FMN2: variants seen among roughly 807,000 people sequenced by gnomAD.
FMN2 encodes formin 2.
Under a neutral mutation model 142.3 loss-of-function variants are expected in FMN2, and 51 were observed. The observed-to-expected ratio is 0.36, with a 90% CI of 0.29 to 0.45. The LOEUF is 0.45. Among genes scored for constraint, FMN2 ranks in the 20% least tolerant of loss-of-function variants. FMN2 has a pLI of 1.00. For missense variants in FMN2, 1,936 were observed against 2,122.8 expected (o/e 0.91, Z 1.73); for synonymous variants, 882 against 869.8 (o/e 1.01, Z -0.25).
intron 6 of FMN2, among the ~76,000 whole-genome samples, chr1:240,234,752 G>A (rs1210786326): frequency 6.6e-6 from 1 of 152,146 alleles, no homozygotes; most frequent in Non-Finnish European, 1.5e-5. Context: ...TGTATTCCCT[G>A]TATCCCTGAG....
At chr1:240,415,317 T>A (rs957116465) in intron 15 of FMN2, among the ~76,000 whole-genome samples, 5 of 151,982 alleles carry the variant, frequency 3.3e-5, no homozygotes, top group Non-Finnish European at 7.4e-5. Flanking sequence ...TCCTCACTCA[T>A]AAGTGGGAGT....
rs1297923754 is a variant in FMN2 at position 240,092,015 on chromosome 1, C to A, written c.-95C>A. The stretch of plus-strand genomic sequence containing the variant: ...CGGCTCCCCCCGCCGCCGCCTGACT[C>A]TCCCGGGAGACTCCCTAGGCCCGGA... On this transcript the variant is annotated 5_prime_UTR_variant, in exon 1 of 18. Coordinates refer to ENST00000319653, the MANE Select transcript of FMN2 (RefSeq NM_020066.5). 3.5e-6 allele frequency: 5 copies of A among 1,432,808 alleles called. No homozygotes were observed. The highest frequency in any genetic ancestry group is 3.6e-6 in the Non-Finnish European group (4 of 1,103,954). 88.8% of individuals were successfully genotyped at this position (1,432,808 alleles called of 1,614,324 possible).
chr1:240,306,988 C>T (rs906244402), intron 8 of FMN2, among the ~76,000 whole-genome samples: 38 of 152,166 alleles, frequency 2.5e-4, no homozygotes, highest in African/African-American at 8.4e-4. Flanking sequence ...ATTTGTATCT[C>T]TCTGGTGTTT....
At chr1:240,459,165 C>A (rs1676353982) in intron 16 of FMN2, 1 of 152,046 alleles carries the variant, frequency 6.6e-6, no homozygotes, top group Non-Finnish European at 1.5e-5. Flanking sequence ...TTAATAGTAC[C>A]TTTCAGATTT....
chr1:240,370,865 C>A (rs115885954), intron 14 of FMN2, among the ~76,000 whole-genome samples: 2,410 of 152,130 alleles, frequency 0.016, 56 homozygotes, highest in African/African-American at 0.055. Context: ...TTAAAGTGTG[C>A]GACTACTCAT....
chr1:240,427,239 C>CT (rs1674981078), intron 15 of FMN2, among the ~76,000 whole-genome samples: 1 of 149,498 alleles, frequency 6.7e-6, no homozygotes, highest in South Asian at 2.1e-4. Context: ...CAGAGTCTCG[C>CT]CTGTCTCCCA....
At chr1:240,284,557 A>G (rs558824532) in intron 7 of FMN2, among the ~76,000 whole-genome samples, 16 of 152,280 alleles carry the variant, frequency 1.1e-4, no homozygotes, top group African/African-American at 2.9e-4. Flanking sequence ...GTCCATCTAC[A>G]CAACTTTTCC....
At chr1:240,413,864 C>T (rs1236318921) in intron 15 of FMN2, among the ~76,000 whole-genome samples, 1 of 152,194 alleles carries the variant, frequency 6.6e-6, no homozygotes, top group Non-Finnish European at 1.5e-5. Flanking sequence ...AGTGCTTGTT[C>T]TCTGCCTTAA....
chr1:240,121,735 T>TAAAAAAAAAAAAAAA lies in FMN2; in HGVS notation c.1616-1427_1616-1413dup, dbSNP rs71168898. On this transcript the variant is annotated intron_variant, in intron 1 of 17. Transcript: ENST00000319653. The stretch of plus-strand genomic sequence containing the variant: ...CTCTTGCCTTTTTTTAGGGAAATAG[T>TAAAAAAAAAAAAAAA]AAAAAAAAAAAAAAAAAAAAAAAAA... 3.5e-4 allele frequency among the ~76,000 whole-genome samples: 9 copies of TAAAAAAAAAAAAAAA among 25,678 alleles called. 1 individual carries two copies. Among genetic ancestry groups the TAAAAAAAAAAAAAAA allele is most frequent in the African/African-American group, 7.6e-4 (5 of 6,614 alleles). 16.8% of individuals were successfully genotyped at this position (25,678 alleles called of 152,430 possible).
rs1471697427 is a variant in FMN2, at chr1:240,459,717, T to TTAAAAAAAAAAA, written c.5061-12655_5061-12654insTAAAAAAAAAAA. Among the ~76,000 whole-genome samples, 44 of 67,128 alleles carry TTAAAAAAAAAAA rather than the reference T, an allele frequency of 6.6e-4. 4 individuals carry two copies. The highest frequency in any genetic ancestry group is 2.3e-3 in the African/African-American group (44 of 19,484). 44.0% of individuals were successfully genotyped at this position (67,128 alleles called of 152,430 possible). Reference sequence around the variant, plus strand: ...GGGTGACAGAACAAGACTCTGTCTCTAAAAAAAAAAAAAAAAAAAAAAAAA... The same window carrying TTAAAAAAAAAAA: ...GGGTGACAGAACAAGACTCTGTCTCTTAAAAAAAAAAAAAAAAAAAAAAAAAAAAAAAAAAAA... On this transcript the variant is annotated intron_variant, in intron 16 of 17. Coordinates refer to ENST00000319653, the MANE Select transcript of FMN2 (RefSeq NM_020066.5).
chr1:240,200,868 C>T (rs73112885), intron 4 of FMN2, among the ~76,000 whole-genome samples: 3,233 of 152,210 alleles, frequency 0.021, 126 homozygotes, highest in African/African-American at 0.073. Context: ...TTTAGTCTTT[C>T]ATCTTTGCAG....
At chr1:240,127,781 C>T (rs908204943) in intron 2 of FMN2, among the ~76,000 whole-genome samples, 2 of 152,162 alleles carry the variant, frequency 1.3e-5, no homozygotes, top group African/African-American at 4.8e-5. Flanking sequence ...TGCCCGGCCC[C>T]CAGCCTGCTC....
In FMN2 at chr1:240,092,723, T is replaced by TGCAGCAGCA. The variant is rs565189382; in HGVS notation, c.629_637dup (p.Gln210_Gln212dup). The TGCAGCAGCA allele has an allele frequency of 5.5e-5, 89 of 1,612,828 alleles. No homozygotes were observed. The highest frequency in any genetic ancestry group is 6.9e-5 in the Non-Finnish European group (81 of 1,179,676). On this transcript the variant is annotated inframe_insertion, in exon 1 of 18. Transcript: ENST00000319653. ...TCAGACATCCAGCAGGCGATCCGCCTGCAGCAGCAGCAGCAGCAGCAGCTC... is the reference window on the plus strand; with the variant it reads ...TCAGACATCCAGCAGGCGATCCGCCTGCAGCAGCAGCAGCAGCAGCAGCAGCAGCAGCTC...
At chr1:240,415,660 A>G (rs16832187) in intron 15 of FMN2, among the ~76,000 whole-genome samples, 4,322 of 152,246 alleles carry the variant, frequency 0.028, 198 homozygotes, top group African/African-American at 0.099. Context: ...CATCTTAGAG[A>G]CTCAGCTTCT....
intron 6 of FMN2, among the ~76,000 whole-genome samples, chr1:240,232,609 G>A (rs1667566338): frequency 6.6e-6 from 1 of 152,136 alleles, no homozygotes; most frequent in Non-Finnish European, 1.5e-5. Flanking sequence ...AGCATCTCAT[G>A]TATGGCAACC....
chr1:240,189,203 G>A lies in FMN2; in HGVS notation c.1986+941G>A, dbSNP rs559426472. ...AAAAAAAAACTGCAAGAAAGGAAACGTGTATGGAATAGTAATTGTGGATAG... is the reference window on the plus strand; with the variant it reads ...AAAAAAAAACTGCAAGAAAGGAAACATGTATGGAATAGTAATTGTGGATAG... On this transcript the variant is annotated intron_variant, in intron 4 of 17. Transcript: ENST00000319653. Among the ~76,000 whole-genome samples, 49 of 149,530 alleles carry A rather than the reference G, an allele frequency of 3.3e-4. No homozygotes were observed. The South Asian group carries it at 9.0e-3, about 28-fold the overall frequency.
intron 4 of FMN2, among the ~76,000 whole-genome samples, chr1:240,192,934 C>A (rs1042266773): frequency 2.6e-5 from 4 of 151,700 alleles, no homozygotes; most frequent in African/African-American, 9.7e-5. Context: ...GAAATAATCA[C>A]AAAAGAAACT....
At chr1:240,409,445 C>A (rs1055696158) in intron 15 of FMN2, among the ~76,000 whole-genome samples, 2 of 152,054 alleles carry the variant, frequency 1.3e-5, no homozygotes, top group Admixed American at 6.6e-5. Context: ...TGCCTGGTAT[C>A]AACTTCATTT....
intron 8 of FMN2, among the ~76,000 whole-genome samples, chr1:240,323,159 CTT>C (rs1343032471): frequency 6.9e-5 from 10 of 145,796 alleles, no homozygotes; most frequent in African/African-American, 2.3e-4. Context: ...TTCTCTTTCT[CTT>C]TCTCTCTTTC....
Sources: allele counts gnomAD v4.1 joint callset (sites outside exome capture counted in the v4.1 genomes callset), GRCh38; gene constraint gnomAD v4.1.1; transcripts MANE v1.5; gene names NCBI Gene and HGNC (gene_info 2026-07-23, HGNC 2026-07-21).